Variants in ERC2 observed in about 807,000 individuals in gnomAD.
The protein encoded by ERC2 is ELKS/RAB6-interacting/CAST family member 2.
ERC2 carries 42 observed loss-of-function variants against 114.8 expected under a neutral mutation model. The ratio of observed to expected loss-of-function variants is 0.37; its 90% CI spans 0.29 to 0.47. ERC2 has a LOEUF of 0.47. ERC2 is among the 20% of genes least tolerant of loss of function. The pLI, the probability that ERC2 is intolerant of heterozygous loss-of-function variation, is 0.99. For missense variants in ERC2, 939 were observed against 1,150.7 expected, an observed-to-expected ratio of 0.82 and a Z score of 2.66; for synonymous variants, 454 against 425.5, an observed-to-expected ratio of 1.07 and a Z score of -0.82.
chr3:55,731,194 G>GA (rs2065233706), intron 15 of ERC2, among the ~76,000 whole-genome samples: 1 of 142,366 alleles, frequency 7.0e-6, no homozygotes, highest in South Asian at 2.2e-4. Flanking sequence ...TTGGCTTTAG[G>GA]AGAGGAGGAC....
intron 3 of ERC2, among the ~76,000 whole-genome samples, chr3:56,206,180 AACAC>A (rs3052731): frequency 1.7e-4 from 25 of 148,552 alleles, no homozygotes; most frequent in South Asian, 2.1e-4. Flanking sequence ...CAGCCAGAAA[AACAC>A]ACACACACAC....
At chr3:56,297,704 C>G (rs2055548300) in intron 2 of ERC2, among the ~76,000 whole-genome samples, 1 of 152,188 alleles carries the variant, frequency 6.6e-6, no homozygotes, top group Non-Finnish European at 1.5e-5. Flanking sequence ...GCACAGGAAT[C>G]AAGAGGGACA....
intron 14 of ERC2, among the ~76,000 whole-genome samples, chr3:55,768,332 C>G (rs937338425): frequency 2.6e-5 from 4 of 152,200 alleles, no homozygotes; most frequent in Admixed American, 1.3e-4. Context: ...AAGTCAGTGC[C>G]TTCACATCCA....
intron 6 of ERC2, among the ~76,000 whole-genome samples, chr3:56,122,627 T>G (rs964664364): frequency 3.3e-5 from 5 of 152,114 alleles, no homozygotes; most frequent in Non-Finnish European, 7.4e-5. Context: ...ATATTCAGAT[T>G]TCACCAGGTA....
chr3:56,335,346 G>A (rs2057801275), intron 2 of ERC2, among the ~76,000 whole-genome samples: 1 of 152,088 alleles, frequency 6.6e-6, no homozygotes, highest in Admixed American at 6.5e-5. Context: ...GGCAAATACA[G>A]GACACACAGA....
chr3:56,422,227 T>C (rs1025926453), intron 2 of ERC2, among the ~76,000 whole-genome samples: 11 of 152,164 alleles, frequency 7.2e-5, no homozygotes, highest in Admixed American at 1.3e-4. Context: ...ACCATCCTCA[T>C]TGAAGTCCAA....
At chr3:56,107,262 CTTTT>C (rs78417349) in intron 6 of ERC2, among the ~76,000 whole-genome samples, 1 of 140,882 alleles carries the variant, frequency 7.1e-6, no homozygotes. Flanking sequence ...ATTAAATCCA[CTTTT>C]TTTTTTTTTT....
chr3:55,884,453 C>T (rs933076758), intron 14 of ERC2, among the ~76,000 whole-genome samples: 3 of 152,056 alleles, frequency 2.0e-5, no homozygotes, highest in Non-Finnish European at 4.4e-5. Context: ...CTTTATACTG[C>T]CTCTTTTTTT....
chr3:55,527,617 C>A (rs2053412825), intron 17 of ERC2, among the ~76,000 whole-genome samples: 1 of 152,170 alleles, frequency 6.6e-6, no homozygotes, highest in Admixed American at 6.5e-5. Flanking sequence ...CTTAGGCAAA[C>A]ACTTTTCAGT....
intron 13 of ERC2, among the ~76,000 whole-genome samples, chr3:55,937,450 G>A (rs1171735586): frequency 6.6e-6 from 1 of 152,222 alleles, no homozygotes; most frequent in East Asian, 1.9e-4. Context: ...AATGATCTGA[G>A]TAGATGGCTG....
intron 17 of ERC2, among the ~76,000 whole-genome samples, chr3:55,648,808 G>C (rs963453141): frequency 6.6e-6 from 1 of 152,044 alleles, no homozygotes; most frequent in South Asian, 2.1e-4. Flanking sequence ...ACAAAGCTCT[G>C]AGCCGACCCC....
At chr3:56,026,699 T>A (rs1047245770) in intron 7 of ERC2, among the ~76,000 whole-genome samples, 2 of 152,248 alleles carry the variant, frequency 1.3e-5, no homozygotes. Context: ...TTACCTAGTT[T>A]CTGCTAATGG....
chr3:56,089,552 A>G (rs1177563987), intron 6 of ERC2, among the ~76,000 whole-genome samples: 3 of 152,100 alleles, frequency 2.0e-5, no homozygotes, highest in African/African-American at 7.2e-5. Context: ...ATATTGAGAT[A>G]CTCTACATTT....
intron 1 of ERC2, among the ~76,000 whole-genome samples, chr3:56,459,124 C>A (rs1368133158): frequency 6.6e-6 from 1 of 152,168 alleles, no homozygotes; most frequent in African/African-American, 2.4e-5. Flanking sequence ...CCTTCAATCA[C>A]CTCAGGCCCA....
intron 13 of ERC2, among the ~76,000 whole-genome samples, chr3:55,905,933 C>T (rs1053832201): frequency 1.3e-5 from 2 of 152,192 alleles, no homozygotes; most frequent in African/African-American, 4.8e-5. Context: ...TATTCTTCAT[C>T]TCAGCTCCAA....
At chr3:56,267,701 C>T (rs1286180663) in intron 3 of ERC2, among the ~76,000 whole-genome samples, 1 of 151,992 alleles carries the variant, frequency 6.6e-6, no homozygotes, top group African/African-American at 2.4e-5. Context: ...ATCACTTGAA[C>T]CCAGGAGGCG....
intron 11 of ERC2, among the ~76,000 whole-genome samples, chr3:55,986,814 G>A (rs11714345): frequency 0.71 from 107,452 of 151,300 alleles, 38,292 homozygotes; most frequent in East Asian, 0.83. Context: ...ATAAAAACAA[G>A]CAAACAAACA....
chr3:56,071,524 T>C (rs902908286), intron 7 of ERC2, among the ~76,000 whole-genome samples: 2 of 152,162 alleles, frequency 1.3e-5, no homozygotes, highest in African/African-American at 4.8e-5. Flanking sequence ...ACATGTCTTT[T>C]AAAATCAAAT....
chr3:55,831,702 G>C (rs2060598342), intron 14 of ERC2, among the ~76,000 whole-genome samples: 1 of 152,146 alleles, frequency 6.6e-6, no homozygotes, highest in Non-Finnish European at 1.5e-5. Flanking sequence ...GGTGATTTCT[G>C]CATTTCCATC....
Sources: gnomAD v4.1 joint callset for allele counts (sites outside exome capture counted in the v4.1 genomes callset) on GRCh38, gnomAD v4.1.1 for gene constraint, MANE v1.5 for transcripts, NCBI Gene and HGNC (gene_info 2026-07-23, HGNC 2026-07-21) for gene names.